ACTR10: variants seen among roughly 807,000 people sequenced by gnomAD.
The protein encoded by ACTR10 is actin-related protein 10.
Under a neutral mutation model 56.2 loss-of-function variants are expected in ACTR10, and 43 were observed. That is an observed-to-expected ratio of 0.77 (90% CI 0.60 to 0.99). The LOEUF (loss-of-function observed/expected upper bound fraction) is 0.99, where lower values mean the gene tolerates loss of function less well. ACTR10 is among the 50% of genes least tolerant of loss of function. The pLI is 0.00. For synonymous variants in ACTR10, 170 were observed against 176.3 expected (o/e 0.96, Z 0.28); for missense variants, 466 against 507.8 (o/e 0.92, Z 0.79).
chr14:58,214,114 G>C (rs1244251377), intron 6 of ACTR10, among the ~76,000 whole-genome samples: 1 of 152,122 alleles, frequency 6.6e-6, no homozygotes, highest in East Asian at 1.9e-4. Context: ...AGGTCTTACT[G>C]TTTCTATTTT....
At chr14:58,222,375 G>C (rs2140057543) in intron 8 of ACTR10, among the ~76,000 whole-genome samples, 1 of 152,270 alleles carries the variant, frequency 6.6e-6, no homozygotes, top group Admixed American at 6.5e-5. Context: ...TGATATAGTA[G>C]AAAGAAAGTG....
chr14:58,217,470 C>T (rs563659471), intron 7 of ACTR10, among the ~76,000 whole-genome samples: 1 of 152,040 alleles, frequency 6.6e-6, no homozygotes, highest in South Asian at 2.1e-4. Context: ...GAGTTCGAGA[C>T]CAGCCTGACC....
At chr14:58,219,792 T>C in intron 8 of ACTR10, 63 bp downstream of exon 8, 1 of 1,027,994 alleles carries the variant, frequency 9.7e-7, no homozygotes, top group Non-Finnish European at 1.4e-6. Context: ...GGCATATGCT[T>C]CTAAACATTT....
intron 5 of ACTR10, among the ~76,000 whole-genome samples, chr14:58,212,736 A>G (rs1889033861): frequency 6.6e-6 from 1 of 152,188 alleles, no homozygotes; most frequent in South Asian, 2.1e-4. Flanking sequence ...TGCTCTTACC[A>G]GTATACTTAG....
At position 58,223,869 on chromosome 14, in the gene ACTR10, AT is replaced by A. The variant is rs756578173; in HGVS notation, c.788+18del. On this transcript the variant is annotated intron_variant, in intron 10 of 12. Coordinates refer to ENST00000254286, the MANE Select transcript of ACTR10 (RefSeq NM_018477.3). ...TTGGATCAATCAGGTTAGATCTTAA[AT>A]TTTTACGGCAAAGTAGTAAACTAAA... The A allele has an allele frequency of 6.3e-7, 1 of 1,588,916 alleles. No individual in the cohort carries two copies. Among genetic ancestry groups the A allele is most frequent in the African/African-American group, 1.4e-5 (1 of 73,972 alleles).
At position 58,232,363 on chromosome 14, in the gene ACTR10, A is replaced by G. The variant is rs543420069; in HGVS notation, c.1072+96A>G. The G allele has an allele frequency of 3.2e-5, 26 of 820,860 alleles. No homozygotes were observed. In the South Asian group the frequency reaches 5.4e-4, roughly 17 times the overall value. 50.8% of individuals were successfully genotyped at this position (820,860 alleles called of 1,614,324 possible). A position where few individuals can be genotyped will look rare whatever the true frequency, so the allele number is the denominator to read the frequency against. ...TATTAGAATAAATAATTCAGGGTTC[A>G]GAATTGCCCACTTTATAAATAGAAC... On this transcript the variant is annotated intron_variant, in intron 12 of 12. Transcript: ENST00000254286.
rs1199001205 is a variant in ACTR10 at position 58,215,233 on chromosome 14, T to G, written c.547T>G (p.Cys183Gly). The stretch of plus-strand genomic sequence containing the variant: ...GTTGGAAACTCAACTATTGGAACAA[T>G]GTACTGTTGACACAAGTGTTGCTAA... ...KELETQLLEQ[C>G]TVDTSVAKEQ... Residue 183 changes from cysteine (C) to glycine (G), a missense_variant, in exon 7 of 13, where the codon TGT becomes GGT. By Grantham distance (159) the Cys-to-Gly change is radical. Coordinates refer to ENST00000254286, the MANE Select transcript of ACTR10 (RefSeq NM_018477.3). 1.2e-6 allele frequency: 2 copies of G among 1,607,842 alleles called. No individual in the cohort carries two copies. The highest frequency in any genetic ancestry group is 1.7e-5 in the Admixed American group (1 of 58,978).
intron 4 of ACTR10, chr14:58,209,325 A>C (rs1438338151): frequency 7.2e-6 from 2 of 277,292 alleles, no homozygotes; most frequent in African/African-American, 4.4e-5. Context: ...CTGGCCATTT[A>C]TTTTCTTCCT....
intron 10 of ACTR10, among the ~76,000 whole-genome samples, chr14:58,228,982 G>T (rs905184458): frequency 2.4e-4 from 36 of 151,956 alleles, no homozygotes; most frequent in African/African-American, 8.0e-4. Flanking sequence ...ATACAGAGAG[G>T]TCCCATATAC....
intron 1 of ACTR10, among the ~76,000 whole-genome samples, chr14:58,202,281 A>G (rs139427591): frequency 0.017 from 2,594 of 152,142 alleles, 34 homozygotes; most frequent in South Asian, 0.026. Context: ...TGCTAAAATT[A>G]ACAACTAGGA....
chr14:58,206,635 G>T (rs1042449238), intron 2 of ACTR10, among the ~76,000 whole-genome samples: 2 of 152,334 alleles, frequency 1.3e-5, no homozygotes, highest in South Asian at 4.1e-4. Flanking sequence ...GTCTGCCAAT[G>T]ATGCATCAGA....
At chr14:58,221,428 A>G (rs1031205222) in intron 8 of ACTR10, among the ~76,000 whole-genome samples, 5 of 151,990 alleles carry the variant, frequency 3.3e-5, no homozygotes, top group Non-Finnish European at 7.4e-5. Context: ...CCCTGTCTCT[A>G]CAAAAAATAC....
In ACTR10 at chr14:58,215,074, C is replaced by G. The variant is rs145417993; in HGVS notation, c.519-131C>G. 672 of 537,976 alleles carry G rather than the reference C, an allele frequency of 1.2e-3. 4 individuals are homozygous for G. Among genetic ancestry groups the G allele is most frequent in the African/African-American group, 0.011 (564 of 51,206 alleles). The allele number at this position is 537,976 out of a possible 1,614,324, so 33.3% of individuals were successfully genotyped here. On this transcript the variant is annotated intron_variant, in intron 6 of 12. Transcript: ENST00000254286. ...TGAACTGGGATTGCGCCACTTCACT[C>G]CAGCCTGGGCAACAGAGTAAGACTG...
chr14:58,219,857 G>C (rs1706771996), intron 8 of ACTR10, 128 bp downstream of exon 8: 2 of 563,204 alleles, frequency 3.6e-6, no homozygotes, highest in African/African-American at 4.0e-5. Flanking sequence ...TTAATATATA[G>C]GTTATGGGAT....
intron 8 of ACTR10, among the ~76,000 whole-genome samples, chr14:58,223,333 T>A (rs1254749141): frequency 6.6e-6 from 1 of 152,186 alleles, no homozygotes; most frequent in Non-Finnish European, 1.5e-5. Context: ...AGATGGGGTG[T>A]CGCCCTGTTG....
At position 58,200,177 on chromosome 14, in the gene ACTR10, G is replaced by T; in HGVS notation, c.-41G>T. The T allele has an allele frequency of 6.9e-7, 1 of 1,439,814 alleles. No individual in the cohort carries two copies. The highest frequency in any genetic ancestry group is 1.5e-5 in the South Asian group (1 of 68,012). The allele number at this position is 1,439,814 out of a possible 1,614,324, so 89.2% of individuals were successfully genotyped here. ...CCGCGAGCGCCGAGACTTGTTGGCC[G>T]CGGAGACTGCGACCCTCTTCTCTCA... On this transcript the variant is annotated 5_prime_UTR_variant, in exon 1 of 13. Transcript: ENST00000254286.
chr14:58,218,718 AATG>A (rs1889193522), intron 7 of ACTR10, among the ~76,000 whole-genome samples: 1 of 152,192 alleles, frequency 6.6e-6, no homozygotes, highest in Non-Finnish European at 1.5e-5. Context: ...CTTATTAAAT[AATG>A]ATTTATTTTT....
At chr14:58,223,907 G>A (rs753980120) in intron 10 of ACTR10, 51 bp downstream of exon 10, 2 of 1,458,084 alleles carry the variant, frequency 1.4e-6, no homozygotes, top group East Asian at 2.3e-5. Flanking sequence ...TAAACTTTTG[G>A]CTTTTAAAAA....
intron 7 of ACTR10, among the ~76,000 whole-genome samples, chr14:58,215,973 CTTT>C (rs754573194): frequency 1.8e-4 from 24 of 135,660 alleles, no homozygotes; most frequent in Admixed American, 4.5e-4. Context: ...TTCTTTCTTT[CTTT>C]TTTTTTTTTT....
Sources: gnomAD v4.1 joint callset for allele counts (sites outside exome capture counted in the v4.1 genomes callset) on GRCh38, gnomAD v4.1.1 for gene constraint, MANE v1.5 for transcripts, NCBI Gene and HGNC (gene_info 2026-07-23, HGNC 2026-07-21) for gene names.